The following CNTN5 variants were observed in gnomAD, a reference collection of about 807,000 sequenced individuals.
CNTN5 encodes the protein contactin 5, also known as contactin-5.
CNTN5 carries 77 observed loss-of-function variants against 129.1 expected under a neutral mutation model. That is an observed-to-expected ratio of 0.60 (90% CI 0.50 to 0.72). The LOEUF (loss-of-function observed/expected upper bound fraction) is 0.72. Among genes scored for constraint, CNTN5 ranks in the 30% least tolerant of loss-of-function variants. The pLI is 0.00. For missense variants in CNTN5, 1,478 were observed against 1,328.8 expected (o/e 1.11, Z -1.75); for synonymous variants, 509 against 465.6 (o/e 1.09, Z -1.20).
At chr11:99,410,748 G>T (rs983815823) in intron 2 of CNTN5, among the ~76,000 whole-genome samples, 9 of 152,178 alleles carry the variant, frequency 5.9e-5, no homozygotes, top group Non-Finnish European at 1.0e-4. Flanking sequence ...TGCATAATTG[G>T]TTTTGTGCGT....
intron 13 of CNTN5, among the ~76,000 whole-genome samples, chr11:100,093,518 C>T (rs978580513): frequency 6.6e-6 from 1 of 152,078 alleles, no homozygotes; most frequent in Admixed American, 6.6e-5. Flanking sequence ...TCTCCCACTT[C>T]AACCTCCCAA....
chr11:100,336,545 CTG>C (rs996066784), intron 21 of CNTN5, among the ~76,000 whole-genome samples: 2 of 152,124 alleles, frequency 1.3e-5, no homozygotes, highest in African/African-American at 2.4e-5. Flanking sequence ...GATAAGCTGT[CTG>C]TGCTCTAATT....
intron 1 of CNTN5, among the ~76,000 whole-genome samples, chr11:99,148,424 A>T (rs1019753800): frequency 1.3e-5 from 2 of 152,170 alleles, no homozygotes; most frequent in Admixed American, 6.5e-5. Flanking sequence ...AGACAACTCT[A>T]TCTAATCAGC....
intron 1 of CNTN5, among the ~76,000 whole-genome samples, chr11:99,263,903 C>T (rs1365099266): frequency 3.9e-5 from 6 of 151,956 alleles, no homozygotes; most frequent in East Asian, 1.9e-4. Context: ...AGTTGTTACC[C>T]GAAGCAAAAT....
chr11:100,324,461 A>G (rs1951752040), intron 21 of CNTN5, among the ~76,000 whole-genome samples: 1 of 152,162 alleles, frequency 6.6e-6, no homozygotes, highest in Non-Finnish European at 1.5e-5. Context: ...TCTGGCTATA[A>G]TAATCAAAAG....
intron 3 of CNTN5, among the ~76,000 whole-genome samples, chr11:99,649,082 T>C (rs979763832): frequency 6.6e-5 from 10 of 151,724 alleles, no homozygotes; most frequent in Non-Finnish European, 3.0e-5. Flanking sequence ...AAATGATAAA[T>C]ATTTGAGAAT....
intron 6 of CNTN5, among the ~76,000 whole-genome samples, chr11:99,882,396 A>G (rs1294425405): frequency 6.6e-6 from 1 of 152,160 alleles, no homozygotes; most frequent in Non-Finnish European, 1.5e-5. Context: ...CTAAAAATGA[A>G]CTTTGAGCAG....
chr11:99,069,302 T>C (rs1009975971), intron 1 of CNTN5, among the ~76,000 whole-genome samples: 27 of 151,986 alleles, frequency 1.8e-4, no homozygotes, highest in African/African-American at 6.3e-4. Context: ...CAGGCGAGGG[T>C]AATGGGGCCA....
chr11:99,231,551 C>T (rs1023220215), intron 1 of CNTN5, among the ~76,000 whole-genome samples: 2 of 152,118 alleles, frequency 1.3e-5, no homozygotes, highest in South Asian at 2.1e-4. Flanking sequence ...GGATATTAAA[C>T]CTTTGTCCAA....
intron 2 of CNTN5, among the ~76,000 whole-genome samples, chr11:99,372,070 T>C (rs1939860987): frequency 6.6e-6 from 1 of 152,244 alleles, no homozygotes; most frequent in South Asian, 2.1e-4. Context: ...CTATTTATTG[T>C]TATGGAAAAT....
chr11:99,981,948 A>G (rs1938376444), intron 8 of CNTN5, among the ~76,000 whole-genome samples: 1 of 152,230 alleles, frequency 6.6e-6, no homozygotes, highest in Admixed American at 6.5e-5. Context: ...CAGTCATACA[A>G]CTTTACTAAG....
intron 13 of CNTN5, among the ~76,000 whole-genome samples, chr11:100,089,953 C>G (rs1017517801): frequency 1.3e-5 from 2 of 152,014 alleles, no homozygotes; most frequent in Non-Finnish European, 2.9e-5. Context: ...GGTTTAATAC[C>G]TAGGTGATGG....
chr11:99,983,434 G>T (rs796957249), intron 8 of CNTN5, among the ~76,000 whole-genome samples: 1 of 152,162 alleles, frequency 6.6e-6, no homozygotes, highest in Non-Finnish European at 1.5e-5. Flanking sequence ...GGATGGGCTC[G>T]AATGCAATAC....
intron 6 of CNTN5, among the ~76,000 whole-genome samples, chr11:99,846,129 GACACACACACAC>G (rs10650307): frequency 2.1e-5 from 3 of 144,722 alleles, no homozygotes; most frequent in Admixed American, 7.0e-5. Context: ...TACGGACATA[GACACACACACAC>G]ACACACACAC....
chr11:100,339,300 C>G (rs1293159450), intron 21 of CNTN5, among the ~76,000 whole-genome samples: 2 of 151,912 alleles, frequency 1.3e-5, no homozygotes, highest in Non-Finnish European at 2.9e-5. Context: ...TATGGATGAA[C>G]TGAATGATGG....
At chr11:99,335,842 C>T (rs575686543) in intron 2 of CNTN5, among the ~76,000 whole-genome samples, 139 of 152,158 alleles carry the variant, frequency 9.1e-4, no homozygotes, top group African/African-American at 2.8e-3. Context: ...GGATGAGACT[C>T]GGACCCTCGA....
At chr11:100,176,242 A>G (rs1319765723) in intron 13 of CNTN5, among the ~76,000 whole-genome samples, 1 of 152,062 alleles carries the variant, frequency 6.6e-6, no homozygotes, top group African/African-American at 2.4e-5. Flanking sequence ...CTGGTCACAA[A>G]CTCCTGACCT....
intron 15 of CNTN5, among the ~76,000 whole-genome samples, chr11:100,197,883 C>T (rs1017476644): frequency 6.6e-6 from 1 of 151,904 alleles, no homozygotes; most frequent in African/African-American, 2.4e-5. Context: ...AAATAGGCAA[C>T]TGAGCCAAAG....
chr11:99,847,601 C>T (rs1041136242), intron 6 of CNTN5, among the ~76,000 whole-genome samples: 3 of 152,110 alleles, frequency 2.0e-5, no homozygotes, highest in Non-Finnish European at 4.4e-5. Flanking sequence ...CCAATTCTGC[C>T]TCAAAATTGT....
Sources: gnomAD v4.1 joint callset for allele counts (sites outside exome capture counted in the v4.1 genomes callset) on GRCh38, gnomAD v4.1.1 for gene constraint, MANE v1.5 for transcripts, NCBI Gene and HGNC (gene_info 2026-07-23, HGNC 2026-07-21) for gene names.